The following RAB11FIP3 variants were observed in gnomAD, a reference collection of about 807,000 sequenced individuals.
RAB11FIP3 encodes the protein rab11 family-interacting protein 3.
In RAB11FIP3, 17 loss-of-function variants were observed where a neutral mutation model predicts 77.8. That is an observed-to-expected ratio of 0.22 (90% CI 0.15 to 0.33). RAB11FIP3 has a LOEUF of 0.33. Ranked by LOEUF, RAB11FIP3 falls within the 10% of genes least tolerant of loss-of-function variation. The probability of loss-of-function intolerance (pLI) is 1.00; values close to 1 mark genes in which losing one functional copy is unlikely to be tolerated. For synonymous variants in RAB11FIP3, 437 were observed against 448.2 expected (o/e 0.98, Z 0.31); for missense variants, 1,005 against 1,011.2 (o/e 0.99, Z 0.08).
At chr16:510,175 C>G (rs553590588) in intron 8 of RAB11FIP3, among the ~76,000 whole-genome samples, 1 of 150,234 alleles carries the variant, frequency 6.7e-6, no homozygotes, top group Non-Finnish European at 1.5e-5. Flanking sequence ...CGCCCCGTCC[C>G]GAGTCCCCGT....
At chr16:491,373 C>T in intron 5 of RAB11FIP3, 2 of 1,177,874 alleles carry the variant, frequency 1.7e-6, no homozygotes, top group Non-Finnish European at 2.2e-6. Context: ...AGGAGCCTCT[C>T]AGGCAGCGGG....
At chr16:517,500 C>T (rs1019366935) in intron 9 of RAB11FIP3, among the ~76,000 whole-genome samples, 2 of 151,384 alleles carry the variant, frequency 1.3e-5, no homozygotes, top group South Asian at 2.1e-4. Flanking sequence ...CCCGGGAGGT[C>T]GGGGCTGCAG....
Position 492,449 on chromosome 16 carries a change from G to GA in RAB11FIP3, c.1265+3449_1265+3450insA, listed in dbSNP as rs1596271348. 1.9e-4 allele frequency among the ~76,000 whole-genome samples: 26 copies of GA among 135,582 alleles called. 4 individuals are homozygous for GA. Among genetic ancestry groups the GA allele is most frequent in the African/African-American group, 4.0e-4 (14 of 35,040 alleles). The allele number at this position is 135,582 out of a possible 152,430, so 88.9% of individuals were successfully genotyped here. On this transcript the variant is annotated intron_variant, in intron 5 of 13. Transcript: ENST00000262305. ...TCCCCGGGAGACCCGAGGCCGCCCAGGGCCCTTCCCGGGGAGACCCGAGGC... is the reference window on the plus strand; with the variant it reads ...TCCCCGGGAGACCCGAGGCCGCCCAGAGGCCCTTCCCGGGGAGACCCGAGGC...
intron 1 of RAB11FIP3, among the ~76,000 whole-genome samples, chr16:446,976 G>C (rs1023413958): frequency 6.6e-6 from 1 of 151,638 alleles, no homozygotes; most frequent in African/African-American, 2.4e-5. Flanking sequence ...TGGGATTACA[G>C]GCGTGAGCCA....
At chr16:462,589 T>C (rs868040288) in intron 2 of RAB11FIP3, among the ~76,000 whole-genome samples, 10 of 104,936 alleles carry the variant, frequency 9.5e-5, no homozygotes, top group Admixed American at 1.9e-4. Context: ...GCTTCTTTCC[T>C]CAGCACGATC....
intron 1 of RAB11FIP3, among the ~76,000 whole-genome samples, chr16:449,172 C>T (rs1479884346): frequency 3.3e-5 from 5 of 152,092 alleles, no homozygotes; most frequent in African/African-American, 7.2e-5. Flanking sequence ...CCTGACACTC[C>T]ACAGGCACAC....
chr16:496,272 A>G (rs1402533603), intron 5 of RAB11FIP3, among the ~76,000 whole-genome samples: 1 of 152,232 alleles, frequency 6.6e-6, no homozygotes, highest in East Asian at 1.9e-4. Context: ...AGTTTGGCCC[A>G]TGTGCCACTG....
chr16:516,381 G>C (rs1220035900), intron 9 of RAB11FIP3, among the ~76,000 whole-genome samples: 1 of 152,150 alleles, frequency 6.6e-6, no homozygotes, highest in East Asian at 1.9e-4. Flanking sequence ...GCAATGTGTA[G>C]TATCTGAAAA....
At chr16:442,810 A>G (rs1372643092) in intron 1 of RAB11FIP3, among the ~76,000 whole-genome samples, 1 of 152,182 alleles carries the variant, frequency 6.6e-6, no homozygotes, top group Non-Finnish European at 1.5e-5. Flanking sequence ...GAGGGTCACA[A>G]CAGGCTCCGT....
intron 5 of RAB11FIP3, among the ~76,000 whole-genome samples, chr16:494,234 A>G (rs1397819061): frequency 6.6e-6 from 1 of 151,396 alleles, no homozygotes; most frequent in Non-Finnish European, 1.5e-5. Context: ...CTGGGCTGCC[A>G]GTCCAGGCCC....
At chr16:476,586 C>G (rs886143101) in intron 3 of RAB11FIP3, among the ~76,000 whole-genome samples, 7 of 152,164 alleles carry the variant, frequency 4.6e-5, no homozygotes, top group African/African-American at 1.7e-4. Flanking sequence ...CATCGGGCAT[C>G]TGTCAGAAGT....
rs2031920448 is a variant in RAB11FIP3 at position 507,207 on chromosome 16, G to A, written c.1499+1580G>A. ...GCTCACCGCAACCTCCGCATCCCAGGTTCAAGCGATTCTTCTGCCTCAGCC... is the reference window on the plus strand; with the variant it reads ...GCTCACCGCAACCTCCGCATCCCAGATTCAAGCGATTCTTCTGCCTCAGCC... On this transcript the variant is annotated intron_variant, in intron 8 of 13. Transcript: ENST00000262305. This position sits in a 1 kb window ranked among gnomAD's most constrained non-coding sequence, Gnocchi z 4.6. 6.6e-6 allele frequency among the ~76,000 whole-genome samples: 1 copy of A among 151,878 alleles called. No individual in the cohort carries two copies. Among genetic ancestry groups the A allele is most frequent in the African/African-American group, 2.4e-5 (1 of 41,322 alleles).
In RAB11FIP3 at chr16:426,066, G is replaced by T; in HGVS notation, c.60G>T (p.Glu20Asp). Residue 20 changes from glutamate to aspartate, a missense_variant, in exon 1 of 14, where the codon GAG becomes GAT. Around this residue, in one of 4 missense-constraint regions of RAB11FIP3, gnomAD observed 466 missense variants for 408.3 expected, o/e 1.14. Transcript: ENST00000262305. The surrounding 1 kb of genome is among the most constrained non-coding windows in gnomAD (Gnocchi z 5.0). ...CGGAGCCGCCGGGGCCCGACCCGGAGCCGGGCGGGCCGGACGGGCCGGGGG... is the reference window on the plus strand; with the variant it reads ...CGGAGCCGCCGGGGCCCGACCCGGATCCGGGCGGGCCGGACGGGCCGGGGG... ...PGSEPPGPDP[E>D]PGGPDGPGAA... 1.0e-6 allele frequency: 1 copy of T among 1,000,052 alleles called. No individual in the cohort carries two copies. Among genetic ancestry groups the T allele is most frequent in the Non-Finnish European group, 1.2e-6 (1 of 841,122 alleles). 61.9% of individuals were successfully genotyped at this position (1,000,052 alleles called of 1,614,324 possible). A position where few individuals can be genotyped will look rare whatever the true frequency, so the allele number is the denominator to read the frequency against.
intron 9 of RAB11FIP3, among the ~76,000 whole-genome samples, chr16:512,416 A>C (rs949218908): frequency 2.0e-5 from 3 of 150,352 alleles, no homozygotes; most frequent in Non-Finnish European, 4.4e-5. Flanking sequence ...AATTTTTTGT[A>C]ATTTTAGTAG....
At chr16:498,296 C>A (rs558874205) in intron 6 of RAB11FIP3, among the ~76,000 whole-genome samples, 1 of 152,198 alleles carries the variant, frequency 6.6e-6, no homozygotes, top group African/African-American at 2.4e-5. Context: ...ACCTCCTCCT[C>A]CTGAGGACCT....
At chr16:467,718 T>A (rs1210427266) in intron 2 of RAB11FIP3, among the ~76,000 whole-genome samples, 27 of 19,466 alleles carry the variant, frequency 1.4e-3, no homozygotes, top group East Asian at 3.6e-3. Context: ...GAGGAGGTGC[T>A]GGGGCCTCAG....
intron 1 of RAB11FIP3, among the ~76,000 whole-genome samples, chr16:447,948 C>T (rs116315980): frequency 0.012 from 1,799 of 151,292 alleles, 39 homozygotes; most frequent in African/African-American, 0.041. Flanking sequence ...TGAAAAATAA[C>T]GCTGACAATT....
rs1337919856 is a variant in RAB11FIP3 at position 471,996 on chromosome 16, C to T, written c.903+607C>T. On this transcript the variant is annotated intron_variant, in intron 3 of 13. Coordinates refer to ENST00000262305, the MANE Select transcript of RAB11FIP3 (RefSeq NM_014700.4). The surrounding 1 kb of genome is among the most constrained non-coding windows in gnomAD (Gnocchi z 4.4). Reference sequence around the variant, plus strand: ...GAAAATGCATGAAGTTGAACTTGAGCCCTTGGGGGCCGCCGGGAAGGTGGA... The same window carrying T: ...GAAAATGCATGAAGTTGAACTTGAGTCCTTGGGGGCCGCCGGGAAGGTGGA... Among the ~76,000 whole-genome samples, 2 of 152,188 alleles carry T rather than the reference C, an allele frequency of 1.3e-5. No individual in the cohort carries two copies. The highest frequency in any genetic ancestry group is 2.9e-5 in the Non-Finnish European group (2 of 68,030).
In RAB11FIP3 at chr16:461,300, G is replaced by A. The variant is rs528465212; in HGVS notation, c.715-104G>A. 113 of 803,200 alleles carry A rather than the reference G, an allele frequency of 1.4e-4. No individual in the cohort carries two copies. Among genetic ancestry groups the A allele is most frequent in the South Asian group, 1.0e-3 (56 of 54,202 alleles). 49.8% of individuals were successfully genotyped at this position (803,200 alleles called of 1,614,324 possible). ...CCCTCACCTCCTGCTGTGCTTCCCC[G>A]TTCCCAGCAGGCCACACACCAGATC... On this transcript the variant is annotated intron_variant, in intron 1 of 13. Transcript: ENST00000262305. The surrounding 1 kb of genome is among the most constrained non-coding windows in gnomAD (Gnocchi z 4.5).
Sources: allele counts gnomAD v4.1 joint callset (sites outside exome capture counted in the v4.1 genomes callset), GRCh38; gene constraint gnomAD v4.1.1; regional missense constraint gnomAD v4.1.1; non-coding constraint Gnocchi (gnomAD v3.1); transcripts MANE v1.5; gene names NCBI Gene and HGNC (gene_info 2026-07-23, HGNC 2026-07-21).